TNS3: variants seen among roughly 807,000 people sequenced by gnomAD.
TNS3 encodes tensin 3.
A neutral mutation model predicts 140.9 loss-of-function variants in TNS3; 45 were observed. The observed-to-expected ratio is 0.32, with a 90% confidence interval of 0.25 to 0.41. The LOEUF is 0.41. TNS3 is among the 10% of genes least tolerant of loss of function. TNS3 has a pLI of 1.00. For missense variants in TNS3, 1,716 were observed against 1,906.7 expected, an observed-to-expected ratio of 0.90 and a Z score of 1.86; for synonymous variants, 815 against 788.4, an observed-to-expected ratio of 1.03 and a Z score of -0.56.
intron 1 of TNS3, among the ~76,000 whole-genome samples, chr7:47,574,795 C>T (rs1284967970): frequency 6.6e-6 from 1 of 152,040 alleles, no homozygotes; most frequent in East Asian, 1.9e-4. Flanking sequence ...TTGTATGAGG[C>T]ACCCGATGTA....
At chr7:47,375,421 C>A (rs1791322027) in intron 16 of TNS3, among the ~76,000 whole-genome samples, 1 of 152,210 alleles carries the variant, frequency 6.6e-6, no homozygotes, top group Non-Finnish European at 1.5e-5. Context: ...CACTGCATGA[C>A]ATACCAGTGA....
At chr7:47,283,454 CTTTT>C (rs1160350860) in intron 28 of TNS3, among the ~76,000 whole-genome samples, 1 of 152,158 alleles carries the variant, frequency 6.6e-6, no homozygotes, top group Admixed American at 6.5e-5. Context: ...CGCCAAACGT[CTTTT>C]TTTATTTTAT....
chr7:47,426,984 G>C (rs1794687456), intron 9 of TNS3, among the ~76,000 whole-genome samples: 1 of 151,808 alleles, frequency 6.6e-6, no homozygotes, highest in Admixed American at 6.6e-5. Context: ...AAATTAGCTG[G>C]GCATCTTGGC....
At chr7:47,565,906 G>C (rs1800418843) in intron 1 of TNS3, among the ~76,000 whole-genome samples, 1 of 152,138 alleles carries the variant, frequency 6.6e-6, no homozygotes, top group Non-Finnish European at 1.5e-5. Context: ...ACGGGCGCTG[G>C]GAGGCTTTGG....
intron 3 of TNS3, among the ~76,000 whole-genome samples, chr7:47,483,523 T>C (rs1028405637): frequency 5.9e-5 from 9 of 152,196 alleles, no homozygotes; most frequent in Non-Finnish European, 1.3e-4. Context: ...CAGTCTATAA[T>C]ACATTTTTTA....
chr7:47,465,790 G>A (rs892524176), intron 4 of TNS3, among the ~76,000 whole-genome samples: 2 of 151,980 alleles, frequency 1.3e-5, no homozygotes, highest in African/African-American at 4.8e-5. Flanking sequence ...CGGGCGTGGT[G>A]GTGGATGCCT....
chr7:47,530,838 A>AAAAAAAAAAAATATATATATAT, intron 1 of TNS3, among the ~76,000 whole-genome samples: 1 of 54,566 alleles, frequency 1.8e-5, no homozygotes, highest in African/African-American at 7.9e-5. Flanking sequence ...AAAAAAAAAA[A>AAAAAAAAAAAATATATATATAT]ATATATATAT....
Position 47,309,643 on chromosome 7 carries a change from C to G in TNS3, c.2651-4640G>C, listed in dbSNP as rs1786967363. On this transcript the variant is annotated intron_variant, in intron 20 of 30. Coordinates refer to ENST00000311160, the MANE Select transcript of TNS3 (RefSeq NM_022748.12). ...TATGGCTAAAGAGAAAGAGGTTAAA[C>G]AGATGTTTATCCAGTGAGGTAGAAG... 2.0e-5 allele frequency among the ~76,000 whole-genome samples: 3 copies of G among 152,192 alleles called. No individual in the cohort carries two copies. In the South Asian group the frequency reaches 6.2e-4, roughly 31 times the overall value.
At chr7:47,434,111 C>T (rs1795058441) in intron 8 of TNS3, among the ~76,000 whole-genome samples, 1 of 151,976 alleles carries the variant, frequency 6.6e-6, no homozygotes, top group Non-Finnish European at 1.5e-5. Context: ...CTGTGTGCCC[C>T]GATGGAAGTT....
intron 4 of TNS3, among the ~76,000 whole-genome samples, chr7:47,451,857 T>C (rs147511269): frequency 9.5e-4 from 144 of 152,354 alleles, no homozygotes; most frequent in African/African-American, 3.3e-3. Flanking sequence ...TCATCCTTCA[T>C]TGATTCCTCC....
chr7:47,559,650 C>A (rs559976832), intron 1 of TNS3, among the ~76,000 whole-genome samples: 1 of 152,066 alleles, frequency 6.6e-6, no homozygotes, highest in Admixed American at 6.5e-5. Context: ...CCCTCCTGCT[C>A]TACATCTCTG....
chr7:47,469,098 T>C (rs1040459751), intron 4 of TNS3, among the ~76,000 whole-genome samples: 2 of 152,200 alleles, frequency 1.3e-5, no homozygotes, highest in African/African-American at 2.4e-5. Context: ...CCAAGGTAGA[T>C]TACAGATTTA....
At chr7:47,401,929 C>T (rs543844708) in intron 13 of TNS3, among the ~76,000 whole-genome samples, 2 of 152,318 alleles carry the variant, frequency 1.3e-5, no homozygotes, top group African/African-American at 2.4e-5. Context: ...TCCCCAACCC[C>T]GAGGCTGTGG....
chr7:47,331,268 G>A (rs1056373386), intron 20 of TNS3, among the ~76,000 whole-genome samples: 1 of 152,106 alleles, frequency 6.6e-6, no homozygotes, highest in African/African-American at 2.4e-5. Flanking sequence ...TGCCTCCGAG[G>A]GACCAGGCAC....
In TNS3 at chr7:47,431,484, T is replaced by C. The variant is rs184370122; in HGVS notation, c.325-3108A>G. On this transcript the variant is annotated intron_variant, in intron 8 of 30. Transcript: ENST00000311160. Reference sequence around the variant, plus strand: ...GGCACGTGCCTGTAATCCCAGCTACTAGGGAGGCTGAGGCAGGAGAATCAC... The same window carrying C: ...GGCACGTGCCTGTAATCCCAGCTACCAGGGAGGCTGAGGCAGGAGAATCAC... Among the ~76,000 whole-genome samples the C allele has an allele frequency of 3.3e-5, 5 of 152,106 alleles. No homozygotes were observed. In the East Asian group the frequency reaches 9.7e-4, roughly 29 times the overall value.
At chr7:47,433,272 T>C (rs1795013464) in intron 8 of TNS3, among the ~76,000 whole-genome samples, 1 of 152,266 alleles carries the variant, frequency 6.6e-6, no homozygotes, top group African/African-American at 2.4e-5. Context: ...GTGATGATGA[T>C]GAACTTCTGT....
rs1793493257 is a variant in TNS3, at chr7:47,407,101, T to G, written c.723+4626A>C. ...AGAAACGTGCAACCGCATTTTTTTC[T>G]TCCTGTGTTGTTCCCTTAGGTCGTT... On this transcript the variant is annotated intron_variant, in intron 13 of 30. Transcript: ENST00000311160. The surrounding 1 kb of genome is among the most constrained non-coding windows in gnomAD (Gnocchi z 4.1). Among the ~76,000 whole-genome samples the G allele has an allele frequency of 6.6e-6, 1 of 152,152 alleles. No homozygotes were observed.
intron 16 of TNS3, among the ~76,000 whole-genome samples, chr7:47,391,225 A>T (rs541333315): frequency 6.6e-6 from 1 of 152,254 alleles, no homozygotes; most frequent in East Asian, 1.9e-4. Flanking sequence ...TGTACAGGCA[A>T]AGTGGTTGTT....
intron 1 of TNS3, among the ~76,000 whole-genome samples, chr7:47,566,609 A>G (rs1183761932): frequency 6.6e-6 from 1 of 152,246 alleles, no homozygotes; most frequent in African/African-American, 2.4e-5. Context: ...TCCTAAGGGA[A>G]TAACTGATTC....
Sources: allele counts gnomAD v4.1 joint callset (sites outside exome capture counted in the v4.1 genomes callset), GRCh38; gene constraint gnomAD v4.1.1; non-coding constraint Gnocchi (gnomAD v3.1); transcripts MANE v1.5; gene names NCBI Gene and HGNC (gene_info 2026-07-23, HGNC 2026-07-21).